The following PCDHA2 variants were observed in gnomAD, a reference collection of about 807,000 sequenced individuals.
PCDHA2 encodes protocadherin alpha 2, also known as protocadherin alpha-2.
Under a neutral mutation model 66.0 loss-of-function variants are expected in PCDHA2, and 58 were observed. The ratio of observed to expected loss-of-function variants is 0.88; its 90% CI spans 0.71 to 1.09. PCDHA2 has a LOEUF of 1.09. PCDHA2 is among the 50% of genes least tolerant of loss of function. PCDHA2 has a pLI of 0.00. For synonymous variants in PCDHA2, 634 were observed against 554.0 expected, an observed-to-expected ratio of 1.14 and a Z score of -2.03; for missense variants, 1,267 against 1,242.3, an observed-to-expected ratio of 1.02 and a Z score of -0.30.
chr5:141,000,158 A>G (rs1313496168), intron 3 of PCDHA2, among the ~76,000 whole-genome samples: 1 of 151,968 alleles, frequency 6.6e-6, no homozygotes, highest in Non-Finnish European at 1.5e-5. Context: ...AACAAAAACT[A>G]TTTGATTATT....
At chr5:141,002,273 A>G (rs1040927044) in intron 3 of PCDHA2, among the ~76,000 whole-genome samples, 42 of 152,308 alleles carry the variant, frequency 2.8e-4, no homozygotes, top group African/African-American at 8.9e-4. Context: ...AGAGCTGGTA[A>G]CAAAGGGATG....
intron 1 of PCDHA2, chr5:140,824,241 G>A (rs2150133437): frequency 6.0e-6 from 9 of 1,494,128 alleles, no homozygotes; most frequent in Non-Finnish European, 4.6e-6. Flanking sequence ...CAAATATTGT[G>A]GTACACAATT....
intron 1 of PCDHA2, chr5:140,870,359 C>T (rs781862161): frequency 2.5e-6 from 4 of 1,614,204 alleles, no homozygotes; most frequent in Middle Eastern, 1.6e-4. Context: ...AACGTGTGGG[C>T]CTATGAACTG....
At chr5:140,988,579 C>T (rs1292742279) in intron 3 of PCDHA2, among the ~76,000 whole-genome samples, 2 of 152,266 alleles carry the variant, frequency 1.3e-5, no homozygotes, top group East Asian at 3.9e-4. Context: ...CACTCTGTAC[C>T]TTCCACTTTT....
intron 1 of PCDHA2, chr5:140,825,743 A>G (rs1292494101): frequency 1.3e-5 from 2 of 152,438 alleles, no homozygotes; most frequent in Non-Finnish European, 1.5e-5. Context: ...ATTGATGAGG[A>G]GTAACTGTGA....
Position 140,884,409 on chromosome 5 carries a change from C to G in PCDHA2, c.2388+87057C>G, listed in dbSNP as rs373513056. The G allele has an allele frequency of 2.7e-5, 43 of 1,613,874 alleles. No individual in the cohort carries two copies. The highest frequency in any genetic ancestry group is 4.0e-5 in the African/African-American group (3 of 74,930). On this transcript the variant is annotated intron_variant, in intron 1 of 3. Coordinates refer to ENST00000526136, the MANE Select transcript of PCDHA2 (RefSeq NM_018905.3). ...GCGGTGTCCAGCCTGTTGGTGCTCA[C>G]GTTGCTGCTGTATACTGCGCTGCGG...
intron 2 of PCDHA2, among the ~76,000 whole-genome samples, chr5:140,981,521 C>T (rs894639773): frequency 1.3e-5 from 2 of 152,208 alleles, no homozygotes; most frequent in South Asian, 4.1e-4. Flanking sequence ...TTGCAGTGAG[C>T]TGAGATCGTG....
intron 1 of PCDHA2, among the ~76,000 whole-genome samples, chr5:140,833,579 G>A (rs1397865134): frequency 6.6e-6 from 1 of 152,168 alleles, no homozygotes; most frequent in East Asian, 1.9e-4. Context: ...ATGAACTCCT[G>A]AAACAGTATA....
chr5:140,841,812 C>T (rs1777513901), intron 1 of PCDHA2: 1 of 1,613,912 alleles, frequency 6.2e-7, no homozygotes, highest in African/African-American at 1.3e-5. Context: ...GATGTTGGAG[C>T]TAACTCCGTG....
intron 1 of PCDHA2, chr5:140,869,706 T>C (rs1554163364): frequency 2.5e-6 from 4 of 1,613,406 alleles, no homozygotes; most frequent in South Asian, 1.1e-5. Flanking sequence ...AGTCTCTGGA[T>C]AGAGAGAAAA....
chr5:140,805,046 AC>A, intron 1 of PCDHA2: 1 of 1,589,980 alleles, frequency 6.3e-7, no homozygotes, highest in East Asian at 2.2e-5. Context: ...CAGCCAAAGT[AC>A]TTGTCTTCCC....
rs2150164384 is a variant in PCDHA2 at position 140,829,233 on chromosome 5, C to G, written c.2388+31881C>G. On this transcript the variant is annotated intron_variant, in intron 1 of 3. Transcript: ENST00000526136. The stretch of plus-strand genomic sequence containing the variant: ...AGCGTGAACGACCTCGATTCAGGTG[C>G]CAACGGGCAGGTGAACTGCTCGCTG... The G allele has an allele frequency of 3.1e-6, 5 of 1,614,254 alleles. No individual in the cohort carries two copies. In the Admixed American group the frequency reaches 8.3e-5, roughly 27 times the overall value.
In PCDHA2 at chr5:140,843,436, C is replaced by T; in HGVS notation, c.2388+46084C>T. On this transcript the variant is annotated intron_variant, in intron 1 of 3. Coordinates refer to ENST00000526136, the MANE Select transcript of PCDHA2 (RefSeq NM_018905.3). ...ACGTGTACCTGATCATCGCCATCTG[C>T]GCGGTATCCAGCCTGCTGGTGCTCA... 2.5e-6 allele frequency: 4 copies of T among 1,596,080 alleles called. 1 individual carries two copies. The highest frequency in any genetic ancestry group is 3.4e-6 in the Non-Finnish European group (4 of 1,165,610).
chr5:140,907,083 G>T (rs770380704), intron 1 of PCDHA2, among the ~76,000 whole-genome samples: 56 of 152,144 alleles, frequency 3.7e-4, no homozygotes, highest in Non-Finnish European at 7.1e-4. Context: ...AGGGGTGATG[G>T]TAAGTGGTGC....
At chr5:140,950,517 A>G (rs1210598995) in intron 1 of PCDHA2, among the ~76,000 whole-genome samples, 1 of 152,012 alleles carries the variant, frequency 6.6e-6, no homozygotes, top group African/African-American at 2.4e-5. Flanking sequence ...CCTGTGTGCG[A>G]TATGATTGTT....
chr5:140,977,484 G>A (rs2096763384), intron 1 of PCDHA2, among the ~76,000 whole-genome samples: 1 of 152,220 alleles, frequency 6.6e-6, no homozygotes. Flanking sequence ...TTTATGCTAT[G>A]TTATATGGAA....
intron 1 of PCDHA2, among the ~76,000 whole-genome samples, chr5:140,941,198 TC>T (rs2092794663): frequency 1.7e-5 from 2 of 119,812 alleles, no homozygotes; most frequent in African/African-American, 6.9e-5. Context: ...TTTTTTTCTT[TC>T]TTCCTTTCTT....
intron 1 of PCDHA2, chr5:140,966,728 TCCG>T (rs1554228593): frequency 2.8e-6 from 4 of 1,404,870 alleles, no homozygotes; most frequent in Non-Finnish European, 3.7e-6. Flanking sequence ...AGCTGCCGCC[TCCG>T]GCCCTGCCCG....
chr5:140,851,897 C>T (rs1308914587), intron 1 of PCDHA2: 1 of 973,518 alleles, frequency 1.0e-6, no homozygotes, highest in African/African-American at 1.8e-5. Context: ...TGAGATTTGC[C>T]TCTTTAATGT....
Sources: allele counts gnomAD v4.1 joint callset (sites outside exome capture counted in the v4.1 genomes callset), GRCh38; gene constraint gnomAD v4.1.1; transcripts MANE v1.5; gene names NCBI Gene and HGNC (gene_info 2026-07-23, HGNC 2026-07-21).